Variants in TMED3 observed in about 807,000 individuals in gnomAD.
TMED3 encodes transmembrane emp24 domain-containing protein 3.
Under a neutral mutation model 15.0 loss-of-function variants are expected in TMED3, and 9 were observed. The observed-to-expected ratio is 0.60, with a 90% confidence interval of 0.36 to 1.04. The LOEUF (loss-of-function observed/expected upper bound fraction) is 1.04. TMED3 is among the 50% of genes least tolerant of loss of function. The pLI, the probability that TMED3 is intolerant of heterozygous loss-of-function variation, is 0.01. For missense variants in TMED3, 267 were observed against 278.9 expected, an observed-to-expected ratio of 0.96 and a Z score of 0.30; for synonymous variants, 117 against 121.4, an observed-to-expected ratio of 0.96 and a Z score of 0.24.
chr15:79,321,941 G>T (rs2141218100), intron 2 of TMED3, 37 bp from the exon 3 acceptor site: 1 of 1,602,916 alleles, frequency 6.2e-7, no homozygotes, highest in East Asian at 2.2e-5. Flanking sequence ...ATTTGTCTAT[G>T]GGTTAGCAGT....
At chr15:79,389,903 G>A (rs1257822135) in intron 2 of TMED3, among the ~76,000 whole-genome samples, 1 of 152,152 alleles carries the variant, frequency 6.6e-6, no homozygotes, top group African/African-American at 2.4e-5. Context: ...TGCTGTTGGT[G>A]TATAGAAGAG....
At chr15:79,407,155 A>T (rs1220886619) in intron 2 of TMED3, among the ~76,000 whole-genome samples, 2 of 152,206 alleles carry the variant, frequency 1.3e-5, no homozygotes, top group Non-Finnish European at 2.9e-5. Flanking sequence ...CTGCCAAGGC[A>T]GACCCAGTGT....
At position 79,322,381 on chromosome 15, in the gene TMED3, A is replaced by G; in HGVS notation, c.*167A>G. On this transcript the variant is annotated 3_prime_UTR_variant, in exon 3 of 3. Transcript: ENST00000299705. ...CTTGATTCTTGCACCTCAGCAGCTG[A>G]AGGTCTCAGAGACCAGTAATCAGAA... is the stretch of plus-strand genomic sequence containing the variant. The G allele has an allele frequency of 2.1e-6, 3 of 1,442,708 alleles. No individual in the cohort carries two copies. Among genetic ancestry groups the G allele is most frequent in the Admixed American group, 5.6e-5 (2 of 35,584 alleles). 89.4% of individuals were successfully genotyped at this position (1,442,708 alleles called of 1,614,324 possible).
At chr15:79,346,652 T>C (rs1042958215) in intron 2 of TMED3, among the ~76,000 whole-genome samples, 1 of 152,142 alleles carries the variant, frequency 6.6e-6, no homozygotes, top group Admixed American at 6.5e-5. Context: ...TAGTTTTGGG[T>C]TTTCCATTTA....
chr15:79,404,364 G>A (rs1893873081), intron 2 of TMED3, among the ~76,000 whole-genome samples: 1 of 152,156 alleles, frequency 6.6e-6, no homozygotes, highest in Non-Finnish European at 1.5e-5. Flanking sequence ...TGCATCAGTA[G>A]TCAGATTCAC....
At chr15:79,363,267 T>C (rs1893164700) in intron 2 of TMED3, among the ~76,000 whole-genome samples, 1 of 152,178 alleles carries the variant, frequency 6.6e-6, no homozygotes, top group Non-Finnish European at 1.5e-5. Context: ...TACACATCCT[T>C]TATTTCAGAA....
At chr15:79,381,704 C>T (rs537809276) in intron 2 of TMED3, among the ~76,000 whole-genome samples, 1 of 152,314 alleles carries the variant, frequency 6.6e-6, no homozygotes, top group African/African-American at 2.4e-5. Context: ...ATTAGAGCTA[C>T]CTGCTCTCCC....
In TMED3 at chr15:79,405,426, C is replaced by T. The variant is rs1440551303; in HGVS notation, c.418-5974C>T. On this transcript the variant is annotated intron_variant, in intron 2 of 2. Coordinates refer to the TMED3 transcript ENST00000424155. ...GGACCTATTAGAGAATCCTCTCTCACTCGTGTCCTGCTCAAAACTGGAAGC... is the reference window on the plus strand; with the variant it reads ...GGACCTATTAGAGAATCCTCTCTCATTCGTGTCCTGCTCAAAACTGGAAGC... Among the ~76,000 whole-genome samples, 5 of 152,294 alleles carry T rather than the reference C, an allele frequency of 3.3e-5. No homozygotes were observed. The East Asian group carries it at 7.7e-4, about 24-fold the overall frequency.
At chr15:79,370,273 T>G (rs1448669482) in intron 2 of TMED3, among the ~76,000 whole-genome samples, 1 of 146,130 alleles carries the variant, frequency 6.8e-6, no homozygotes, top group African/African-American at 2.5e-5. Context: ...TTTTTTTTTT[T>G]TTTTTTTTGT....
In TMED3 at chr15:79,412,221, A is replaced by G. The variant is rs76550299; in HGVS notation, c.*717A>G. ...GCTGGGCCCATGGCCATCCCCCCCA[A>G]TCACTGCTGGTGCACATGTGAGCAG... On this transcript the variant is annotated 3_prime_UTR_variant, in exon 3 of 3. Transcript: ENST00000424155. The G allele has an allele frequency of 4.5e-3, 678 of 151,996 alleles. 5 individuals are homozygous for G. The highest frequency in any genetic ancestry group is 0.015 in the African/African-American group (624 of 41,392). 9.4% of individuals were successfully genotyped at this position (151,996 alleles called of 1,614,324 possible). A position where few individuals can be genotyped will look rare whatever the true frequency, so the allele number is the denominator to read the frequency against.
At chr15:79,402,485 G>A (rs904366990) in intron 2 of TMED3, among the ~76,000 whole-genome samples, 2 of 152,114 alleles carry the variant, frequency 1.3e-5, no homozygotes, top group African/African-American at 2.4e-5. Context: ...TAGGGTAAAA[G>A]GTGGGCCAAG....
intron 2 of TMED3, among the ~76,000 whole-genome samples, chr15:79,353,066 A>T (rs1270684474): frequency 1.8e-5 from 2 of 108,116 alleles, no homozygotes; most frequent in African/African-American, 3.8e-5. Context: ...TGTATATATA[A>T]AAATATATAT....
At chr15:79,377,792 G>T (rs1430841911) in intron 2 of TMED3, among the ~76,000 whole-genome samples, 1 of 151,926 alleles carries the variant, frequency 6.6e-6, no homozygotes, top group East Asian at 1.9e-4. Flanking sequence ...GACTACAGGC[G>T]CCCGCCACCG....
chr15:79,342,517 A>G (rs1388465279), intron 2 of TMED3, among the ~76,000 whole-genome samples: 1 of 152,232 alleles, frequency 6.6e-6, no homozygotes, highest in East Asian at 1.9e-4. Context: ...AAATCTTTGA[A>G]AATAATATTA....
chr15:79,343,800 C>G (rs936098691), intron 2 of TMED3, among the ~76,000 whole-genome samples: 3 of 152,108 alleles, frequency 2.0e-5, no homozygotes, highest in South Asian at 2.1e-4. Flanking sequence ...TTTGAACTAC[C>G]AGGTGAAAGG....
chr15:79,313,580 C>T (rs561999893), intron 1 of TMED3, among the ~76,000 whole-genome samples, 177 bp from the exon 2 acceptor site: 2 of 152,276 alleles, frequency 1.3e-5, no homozygotes, highest in South Asian at 4.1e-4. Context: ...GTGACCACAG[C>T]CAATTTATTT....
intron 2 of TMED3, among the ~76,000 whole-genome samples, chr15:79,371,702 T>A (rs1893343100): frequency 6.6e-6 from 1 of 152,334 alleles, no homozygotes; most frequent in Admixed American, 6.5e-5. Flanking sequence ...TAGAGGCATC[T>A]CTTGGTCTGC....
exon 3 of TMED3, chr15:79,412,998 T>C (rs1454324097): frequency 6.6e-6 from 1 of 152,008 alleles, no homozygotes; most frequent in African/African-American, 2.4e-5. Flanking sequence ...AGCCAGTCAT[T>C]TGAACTCATC....
rs544033360 is a variant in TMED3, at chr15:79,336,675, G to A, written c.417+22670G>A. Among the ~76,000 whole-genome samples, 7 of 151,716 alleles carry A rather than the reference G, an allele frequency of 4.6e-5. No individual in the cohort carries two copies. The South Asian group carries it at 1.5e-3, about 32-fold the overall frequency. ...ACTGTACTCCAGCCTGGGAGACAGA[G>A]CAAGACTCTGTCTCAAAACAAACAA... On this transcript the variant is annotated intron_variant, in intron 2 of 2. Coordinates refer to the TMED3 transcript ENST00000424155.
Sources: gnomAD v4.1 joint callset for allele counts (sites outside exome capture counted in the v4.1 genomes callset) on GRCh38, gnomAD v4.1.1 for gene constraint, MANE v1.5 for transcripts, NCBI Gene and HGNC (gene_info 2026-07-23, HGNC 2026-07-21) for gene names.